Variants in DZIP1 observed in about 807,000 individuals in gnomAD.
The protein encoded by DZIP1 is DAZ interacting zinc finger protein 1.
In DZIP1, 97 loss-of-function variants were observed where a neutral mutation model predicts 107.6. The observed-to-expected ratio is 0.90, with a 90% CI of 0.77 to 1.07. The LOEUF (loss-of-function observed/expected upper bound fraction) is 1.07. Ranked by LOEUF, DZIP1 falls within the 50% of genes least tolerant of loss-of-function variation. The pLI is 0.00. For missense variants in DZIP1, 1,035 were observed against 1,063.6 expected (o/e 0.97, Z 0.37); for synonymous variants, 390 against 386.4 (o/e 1.01, Z -0.11).
At chr13:95,612,016 C>T in intron 11 of DZIP1, 21 bp downstream of exon 11, 1 of 1,610,488 alleles carries the variant, frequency 6.2e-7, no homozygotes, top group Non-Finnish European at 8.5e-7. Context: ...AAGCACGGTG[C>T]CACACTGCCG....
At chr13:95,618,272 C>G (rs1470965411) in intron 10 of DZIP1, among the ~76,000 whole-genome samples, 2 of 152,198 alleles carry the variant, frequency 1.3e-5, no homozygotes, top group African/African-American at 4.8e-5. Flanking sequence ...CTCTTTTTAG[C>G]CTTATAAAGT....
intron 5 of DZIP1, among the ~76,000 whole-genome samples, chr13:95,634,747 AT>A (rs1456068036): frequency 3.3e-5 from 5 of 152,212 alleles, no homozygotes; most frequent in Non-Finnish European, 2.9e-5. Context: ...TCATAATACC[AT>A]TATTCCACCT....
In DZIP1 at chr13:95,578,237, G is replaced by T; in HGVS notation, c.*3997C>A. ...TAAAAAATAAACAGTTTATTTACAG[G>T]ATTTGTAAAATGTTTTCTACATTTA... On this transcript the variant is annotated 3_prime_UTR_variant, in exon 23 of 23. Transcript: ENST00000376829. 3.0e-6 allele frequency: 1 copy of T among 336,218 alleles called. No individual in the cohort carries two copies. The highest frequency in any genetic ancestry group is 5.4e-6 in the Non-Finnish European group (1 of 185,358). 20.8% of individuals were successfully genotyped at this position (336,218 alleles called of 1,614,324 possible).
At chr13:95,605,492 T>C (rs756137272) in intron 14 of DZIP1, among the ~76,000 whole-genome samples, 2 of 152,254 alleles carry the variant, frequency 1.3e-5, no homozygotes, top group Non-Finnish European at 2.9e-5. Flanking sequence ...AACTGAACCC[T>C]GGTAATGATT....
chr13:95,592,928 A>T (rs1338716293), intron 16 of DZIP1, among the ~76,000 whole-genome samples: 1 of 152,222 alleles, frequency 6.6e-6, no homozygotes, highest in Non-Finnish European at 1.5e-5. Context: ...ACTAAGTCAG[A>T]ATACCCTTTC....
intron 7 of DZIP1, among the ~76,000 whole-genome samples, chr13:95,627,151 T>A (rs1027532699): frequency 6.6e-6 from 1 of 152,178 alleles, no homozygotes; most frequent in African/African-American, 2.4e-5. Flanking sequence ...GATATTGGCA[T>A]AAAGACAGAC....
In DZIP1 at chr13:95,625,316, C is replaced by A. The variant is rs566581017; in HGVS notation, c.811-387G>T. Among the ~76,000 whole-genome samples, 480 of 152,238 alleles carry A rather than the reference C, an allele frequency of 3.2e-3. 1 individual carries two copies. Among genetic ancestry groups the A allele is most frequent in the Non-Finnish European group, 4.5e-3 (306 of 68,018 alleles). Reference sequence around the variant, plus strand: ...ATTTGGATAGTGTAACTTCATCCCACCCCCAGAAAATACAAATTCAGATTT... The same window carrying A: ...ATTTGGATAGTGTAACTTCATCCCAACCCCAGAAAATACAAATTCAGATTT... On this transcript the variant is annotated intron_variant, in intron 7 of 22. Coordinates refer to ENST00000376829, the MANE Select transcript of DZIP1 (RefSeq NM_198968.4).
In DZIP1 at chr13:95,642,081, C is replaced by T; in HGVS notation, c.-52G>A. 1 of 1,484,286 alleles carries T rather than the reference C, an allele frequency of 6.7e-7. No homozygotes were observed. Among genetic ancestry groups the T allele is most frequent in the Non-Finnish European group, 8.9e-7 (1 of 1,126,824 alleles). 91.9% of individuals were successfully genotyped at this position (1,484,286 alleles called of 1,614,324 possible). On this transcript the variant is annotated 5_prime_UTR_variant, in exon 4 of 23. Coordinates refer to ENST00000376829, the MANE Select transcript of DZIP1 (RefSeq NM_198968.4). ...GCCTGGGCCGCCTCCCGGGCCGCCG[C>T]CGCCACAGCCCTCAGGAGCGGGAGA... is the stretch of plus-strand genomic sequence containing the variant.
chr13:95,614,632 G>A (rs1232296862), intron 10 of DZIP1, among the ~76,000 whole-genome samples: 1 of 152,150 alleles, frequency 6.6e-6, no homozygotes, highest in African/African-American at 2.4e-5. Context: ...TTATTTTGAA[G>A]TTTGCAGCTC....
rs2044276994 is a variant in DZIP1 at position 95,590,265 on chromosome 13, G to A, written c.1843+14C>T. 1 of 1,582,330 alleles carries A rather than the reference G, an allele frequency of 6.3e-7. No individual in the cohort carries two copies. Among genetic ancestry groups the A allele is most frequent in the Non-Finnish European group, 8.6e-7 (1 of 1,168,176 alleles). ...TTAAATTAAGCTCCCATTTGCAGTGGGTAACAAGCTTACCTGAAGAGAGTA... is the reference window on the plus strand; with the variant it reads ...TTAAATTAAGCTCCCATTTGCAGTGAGTAACAAGCTTACCTGAAGAGAGTA... On this transcript the variant is annotated intron_variant, in intron 17 of 22. Coordinates refer to ENST00000376829, the MANE Select transcript of DZIP1 (RefSeq NM_198968.4).
At chr13:95,585,918 GTT>G in intron 21 of DZIP1, 86 bp downstream of exon 21, 1 of 1,352,018 alleles carries the variant, frequency 7.4e-7, no homozygotes, top group Non-Finnish European at 1.0e-6. Context: ...CTAACTATCT[GTT>G]TTATATTTCA....
intron 16 of DZIP1, among the ~76,000 whole-genome samples, chr13:95,591,287 A>C (rs1462059873): frequency 1.3e-5 from 2 of 152,110 alleles, no homozygotes; most frequent in African/African-American, 4.8e-5. Flanking sequence ...TTGGCCTCCC[A>C]AAGTGCTGGG....
intron 7 of DZIP1, among the ~76,000 whole-genome samples, chr13:95,628,557 G>C (rs1876828816): frequency 1.3e-5 from 2 of 152,170 alleles, no homozygotes; most frequent in African/African-American, 4.8e-5. Flanking sequence ...TAAAATGACT[G>C]TCTAAAAGAG....
At chr13:95,600,629 T>TAAACAGACAGAC (rs2044593751) in intron 14 of DZIP1, among the ~76,000 whole-genome samples, 1 of 147,460 alleles carries the variant, frequency 6.8e-6, no homozygotes, top group Non-Finnish European at 1.5e-5. Flanking sequence ...GATAGATAGA[T>TAAACAGACAGAC]AGACAGACAG....
chr13:95,587,429 T>A, intron 20 of DZIP1, 110 bp downstream of exon 20: 1 of 1,445,374 alleles, frequency 6.9e-7, no homozygotes, highest in Non-Finnish European at 9.4e-7. Context: ...ATCCGCTGCA[T>A]CTGTTCCTTG....
intron 10 of DZIP1, chr13:95,618,105 C>T: frequency 2.0e-6 from 1 of 507,730 alleles, no homozygotes; most frequent in Non-Finnish European, 4.0e-6. Flanking sequence ...TAAACATGGG[C>T]ATGATCCACA....
At chr13:95,619,773 C>T in intron 10 of DZIP1, 112 bp downstream of exon 10, 1 of 999,870 alleles carries the variant, frequency 1.0e-6, no homozygotes, top group Non-Finnish European at 1.5e-6. Flanking sequence ...AATTTTGCTA[C>T]ACATTTCTCC....
rs568770307 is a variant in DZIP1 at position 95,585,415 on chromosome 13, C to T, written c.2350-505G>A. On this transcript the variant is annotated intron_variant, in intron 21 of 22. Coordinates refer to ENST00000376829, the MANE Select transcript of DZIP1 (RefSeq NM_198968.4). The stretch of plus-strand genomic sequence containing the variant: ...TTTCTGTCATTTTTGGCTTGTGTAA[C>T]ACAAATAGTATTAACTAATAAAAGT... Among the ~76,000 whole-genome samples the T allele has an allele frequency of 2.0e-5, 3 of 152,314 alleles. No homozygotes were observed. In the East Asian group the frequency reaches 5.8e-4, roughly 29 times the overall value.
In DZIP1 at chr13:95,630,746, A is replaced by G. The variant is rs916417046; in HGVS notation, c.686-633T>C. 3.9e-6 allele frequency: 5 copies of G among 1,282,378 alleles called. No individual in the cohort carries two copies. The African/African-American group carries it at 4.6e-5, about 12-fold the overall frequency. The allele number at this position is 1,282,378 out of a possible 1,614,324, so 79.4% of individuals were successfully genotyped here. ...TGTACACATGACTGAATGGATGTAC[A>G]TGTGTCTGTGAGTGTAGACATGAAA... On this transcript the variant is annotated intron_variant, in intron 6 of 22. Transcript: ENST00000376829.
Sources: allele counts gnomAD v4.1 joint callset (sites outside exome capture counted in the v4.1 genomes callset), GRCh38; gene constraint gnomAD v4.1.1; transcripts MANE v1.5; gene names NCBI Gene and HGNC (gene_info 2026-07-23, HGNC 2026-07-21).